PTPRM: variants seen among roughly 807,000 people sequenced by gnomAD.
PTPRM encodes protein tyrosine phosphatase receptor type M, also known as receptor-type tyrosine-protein phosphatase mu.
In PTPRM, 47 loss-of-function variants were observed where a neutral mutation model predicts 186.7. The observed-to-expected ratio is 0.25, with a 90% CI of 0.20 to 0.32. The LOEUF (loss-of-function observed/expected upper bound fraction) is 0.32. PTPRM is among the 10% of genes least tolerant of loss of function. PTPRM has a pLI of 1.00. For missense variants in PTPRM, 1,494 were observed against 1,865.0 expected (o/e 0.80, Z 3.66); for synonymous variants, 668 against 674.9 (o/e 0.99, Z 0.16).
chr18:8,285,183 T>A (rs1272372313), intron 19 of PTPRM, among the ~76,000 whole-genome samples: 2 of 152,248 alleles, frequency 1.3e-5, no homozygotes, highest in Non-Finnish European at 2.9e-5. Context: ...TTTTTTCCAC[T>A]GACATTCACA....
At chr18:7,891,177 T>C (rs1413142349) in intron 3 of PTPRM, among the ~76,000 whole-genome samples, 1 of 151,238 alleles carries the variant, frequency 6.6e-6, no homozygotes, top group African/African-American at 2.4e-5. Context: ...TTGCAGCTAC[T>C]CAGGAGGCTG....
At chr18:8,180,433 A>G (rs2146571730) in intron 14 of PTPRM, among the ~76,000 whole-genome samples, 1 of 152,354 alleles carries the variant, frequency 6.6e-6, no homozygotes, top group South Asian at 2.1e-4. Flanking sequence ...GCTTTAGAGC[A>G]GAAACAAAAG....
chr18:8,059,185 G>T (rs944214529), intron 7 of PTPRM, among the ~76,000 whole-genome samples: 10 of 149,922 alleles, frequency 6.7e-5, no homozygotes, highest in Admixed American at 3.3e-4. Flanking sequence ...TTGTAAGTTG[G>T]ATTCCTAGGT....
intron 2 of PTPRM, among the ~76,000 whole-genome samples, chr18:7,856,905 T>C (rs2145997797): frequency 6.6e-6 from 1 of 152,280 alleles, no homozygotes. Flanking sequence ...AACATCTGAC[T>C]TATAAATGAC....
chr18:7,720,814 T>C (rs2040432236), intron 1 of PTPRM, among the ~76,000 whole-genome samples: 1 of 152,218 alleles, frequency 6.6e-6, no homozygotes, highest in South Asian at 2.1e-4. Context: ...TTCCTTCCTT[T>C]GTAAGGATGA....
At chr18:7,656,017 GTTCC>G (rs1460239412) in intron 1 of PTPRM, among the ~76,000 whole-genome samples, 1 of 152,184 alleles carries the variant, frequency 6.6e-6, no homozygotes, top group Non-Finnish European at 1.5e-5. Flanking sequence ...CAGTATGGCA[GTTCC>G]TCAAAAAACT....
rs532715608 is a variant in PTPRM, at chr18:8,063,686, A to G, written c.1133-6000A>G. ...AAGTACAGTCATGCAATATGGATAT[A>G]TGGCGTAGTGGTGAAGTCTGAACTT... On this transcript the variant is annotated intron_variant, in intron 7 of 32. Coordinates refer to ENST00000580170, the MANE Select transcript of PTPRM (RefSeq NM_001105244.2). 5.3e-5 allele frequency among the ~76,000 whole-genome samples: 8 copies of G among 152,256 alleles called. No individual in the cohort carries two copies. The East Asian group carries it at 1.4e-3, about 26-fold the overall frequency.
chr18:8,173,055 T>C (rs1190885959), intron 14 of PTPRM, among the ~76,000 whole-genome samples: 1 of 152,222 alleles, frequency 6.6e-6, no homozygotes, highest in Non-Finnish European at 1.5e-5. Flanking sequence ...GAGAGACATA[T>C]TGATTCATTC....
intron 20 of PTPRM, among the ~76,000 whole-genome samples, chr18:8,310,879 G>A (rs2095263058): frequency 6.6e-6 from 1 of 152,192 alleles, no homozygotes; most frequent in South Asian, 2.1e-4. Context: ...CCTTACTGAG[G>A]AGGGGACATC....
At chr18:7,570,596 G>A (rs1370462549) in intron 1 of PTPRM, among the ~76,000 whole-genome samples, 1 of 152,186 alleles carries the variant, frequency 6.6e-6, no homozygotes, top group African/African-American at 2.4e-5. Flanking sequence ...AGAAGTGATT[G>A]TTAAAAGTTA....
At chr18:7,684,380 C>G (rs550968627) in intron 1 of PTPRM, among the ~76,000 whole-genome samples, 4 of 152,176 alleles carry the variant, frequency 2.6e-5, no homozygotes, top group South Asian at 4.2e-4. Context: ...AAGATCTACT[C>G]TTTGAGCATA....
chr18:8,097,969 C>T (rs745840735), intron 11 of PTPRM, among the ~76,000 whole-genome samples: 5 of 152,152 alleles, frequency 3.3e-5, no homozygotes, highest in Non-Finnish European at 7.3e-5. Flanking sequence ...TTTCATTGCA[C>T]CTTTTCTACA....
rs538883214 is a variant in PTPRM, at chr18:8,007,668, C to T, written c.1132+52254C>T. Reference sequence around the variant, plus strand: ...GGAATTGATCAAATGTCTGAGACACCGTGGTTGAGACCCACTGTTGTAAAG... The same window carrying T: ...GGAATTGATCAAATGTCTGAGACACTGTGGTTGAGACCCACTGTTGTAAAG... On this transcript the variant is annotated intron_variant, in intron 7 of 32. Coordinates refer to ENST00000580170, the MANE Select transcript of PTPRM (RefSeq NM_001105244.2). Among the ~76,000 whole-genome samples the T allele has an allele frequency of 7.9e-5, 12 of 152,210 alleles. No individual in the cohort carries two copies. In the South Asian group the frequency reaches 1.7e-3, roughly 21 times the overall value.
intron 1 of PTPRM, among the ~76,000 whole-genome samples, chr18:7,748,120 C>A (rs113295827): frequency 6.6e-6 from 1 of 152,154 alleles, no homozygotes; most frequent in African/African-American, 2.4e-5. Flanking sequence ...GTAGGTGTGG[C>A]CAGGTGTGGG....
At chr18:8,089,762 C>G (rs929131662) in intron 11 of PTPRM, among the ~76,000 whole-genome samples, 1 of 152,100 alleles carries the variant, frequency 6.6e-6, no homozygotes, top group Non-Finnish European at 1.5e-5. Context: ...CATGTTTTCA[C>G]TGCAGTATCA....
chr18:8,097,184 AT>A (rs1568335368), intron 11 of PTPRM, among the ~76,000 whole-genome samples: 2 of 152,162 alleles, frequency 1.3e-5, no homozygotes, highest in Non-Finnish European at 1.5e-5. Context: ...CTTAATAACT[AT>A]TTTTTAAGTA....
chr18:7,889,241 G>C (rs1476690216), intron 3 of PTPRM, among the ~76,000 whole-genome samples: 2 of 151,946 alleles, frequency 1.3e-5, no homozygotes, highest in East Asian at 3.9e-4. Flanking sequence ...GTTTATGCCT[G>C]GCATGTATTG....
At chr18:7,839,911 C>T (rs1313629936) in intron 2 of PTPRM, among the ~76,000 whole-genome samples, 5 of 152,052 alleles carry the variant, frequency 3.3e-5, no homozygotes, top group African/African-American at 9.7e-5. Flanking sequence ...TAAATGCTCC[C>T]TTCATGGGTG....
chr18:8,163,879 C>A (rs1212554906), intron 14 of PTPRM, among the ~76,000 whole-genome samples: 1 of 152,236 alleles, frequency 6.6e-6, no homozygotes, highest in Non-Finnish European at 1.5e-5. Flanking sequence ...TAATTACTAT[C>A]CTGACCACTG....
Sources: gnomAD v4.1 joint callset for allele counts (sites outside exome capture counted in the v4.1 genomes callset) on GRCh38, gnomAD v4.1.1 for gene constraint, MANE v1.5 for transcripts, NCBI Gene and HGNC (gene_info 2026-07-23, HGNC 2026-07-21) for gene names.